FAT3: variants seen among roughly 807,000 people sequenced by gnomAD.
FAT3 encodes the protein protocadherin Fat 3.
A neutral mutation model predicts 310.2 loss-of-function variants in FAT3; 95 were observed. The ratio of observed to expected loss-of-function variants is 0.31; its 90% CI spans 0.26 to 0.36. The LOEUF (loss-of-function observed/expected upper bound fraction) is 0.36. Among genes scored for constraint, FAT3 ranks in the 10% least tolerant of loss-of-function variants. The pLI, the probability that FAT3 is intolerant of heterozygous loss-of-function variation, is 1.00. For missense variants in FAT3, 5,408 were observed against 5,715.6 expected (o/e 0.95, Z 1.74); for synonymous variants, 2,314 against 2,192.9 (o/e 1.06, Z -1.54).
At chr11:92,343,974 TGGGGTATA>T (rs1470253417) in intron 1 of FAT3, among the ~76,000 whole-genome samples, 1 of 152,146 alleles carries the variant, frequency 6.6e-6, no homozygotes, top group African/African-American at 2.4e-5. Flanking sequence ...AGTATAGGTG[TGGGGTATA>T]GGGGGAAAGA....
intron 2 of FAT3, among the ~76,000 whole-genome samples, chr11:92,431,573 T>A (rs555856864): frequency 6.6e-6 from 1 of 152,300 alleles, no homozygotes; most frequent in Non-Finnish European, 1.5e-5. Flanking sequence ...GTTTTAGACA[T>A]GAAGTCCTTG....
At chr11:92,662,578 G>A (rs1942822592) in intron 3 of FAT3, among the ~76,000 whole-genome samples, 2 of 152,122 alleles carry the variant, frequency 1.3e-5, no homozygotes, top group East Asian at 3.9e-4. Flanking sequence ...CATCTAATGA[G>A]TACATAAACA....
At chr11:92,343,990 A>G (rs1948343271) in intron 1 of FAT3, among the ~76,000 whole-genome samples, 1 of 152,198 alleles carries the variant, frequency 6.6e-6, no homozygotes, top group South Asian at 2.1e-4. Flanking sequence ...ATAGGGGGAA[A>G]GAAAGGAATT....
chr11:92,287,214 C>CT (rs937419159), intron 1 of FAT3, among the ~76,000 whole-genome samples: 32 of 151,754 alleles, frequency 2.1e-4, no homozygotes, highest in African/African-American at 7.3e-4. Context: ...CAGATCAAAG[C>CT]TTTTTTTTAT....
At chr11:92,589,654 A>G (rs1342025161) in intron 3 of FAT3, among the ~76,000 whole-genome samples, 1 of 151,914 alleles carries the variant, frequency 6.6e-6, no homozygotes, top group Non-Finnish European at 1.5e-5. Context: ...TTCTTGATTG[A>G]GTTTCGGTGG....
At chr11:92,512,887 CCGAGGCGGGCGGA>C (rs1953347303) in intron 2 of FAT3, among the ~76,000 whole-genome samples, 3,327 of 95,686 alleles carry the variant, frequency 0.035, 226 homozygotes, top group Middle Eastern at 0.06. Context: ...CTTTGGGAGG[CCGAGGCGGGCGGA>C]TCACGAGGTC....
chr11:92,513,668 A>G (rs533298898), intron 2 of FAT3, among the ~76,000 whole-genome samples: 2 of 152,338 alleles, frequency 1.3e-5, no homozygotes, highest in African/African-American at 4.8e-5. Context: ...TGCACTGAAA[A>G]TTGAGAATTT....
chr11:92,641,516 G>A (rs1028302816), intron 3 of FAT3, among the ~76,000 whole-genome samples: 1 of 152,132 alleles, frequency 6.6e-6, no homozygotes, highest in African/African-American at 2.4e-5. Flanking sequence ...AGCTTCCAGT[G>A]GCTCCAGGTA....
chr11:92,243,096 G>A (rs1464534447), intron 1 of FAT3, among the ~76,000 whole-genome samples: 1 of 151,880 alleles, frequency 6.6e-6, no homozygotes, highest in African/African-American at 2.4e-5. Flanking sequence ...ATGTAAAATT[G>A]GGTAATAGTT....
intron 3 of FAT3, among the ~76,000 whole-genome samples, chr11:92,666,353 A>ATTTTT (rs35495410): frequency 2.4e-4 from 33 of 140,268 alleles, no homozygotes; most frequent in African/African-American, 8.5e-4. Flanking sequence ...AATTTGAAGG[A>ATTTTT]TTTTTTTTTT....
chr11:92,551,404 T>G (rs1347558027), intron 3 of FAT3, among the ~76,000 whole-genome samples: 3 of 54,324 alleles, frequency 5.5e-5, no homozygotes, highest in South Asian at 2.4e-3. Context: ...GGTCCCATGT[T>G]TTTTTTGTTT....
intron 4 of FAT3, among the ~76,000 whole-genome samples, chr11:92,700,447 G>T (rs1171894253): frequency 6.6e-6 from 1 of 152,060 alleles, no homozygotes; most frequent in African/African-American, 2.4e-5. Flanking sequence ...ACCGGCTTGG[G>T]GTGGGGGCTG....
chr11:92,800,973 G>A lies in FAT3; in HGVS notation c.7960G>A (p.Asp2654Asn), dbSNP rs369179876. The change falls in exon 10 of 28, where the codon GAT becomes AAT. Residue 2654 changes from aspartate (D) to asparagine (N), a missense_variant. Around this residue, in one of 5 missense-constraint regions of FAT3, gnomAD observed 4,588 missense variants for 4,809.8 expected, o/e 0.95. Coordinates refer to ENST00000525166, the MANE Select transcript of FAT3 (RefSeq NM_001367949.2). ...SVSVADLLEI[D>N]PDNGWMVTKG... is the part of the protein sequence containing the mutation. ...TTCAGTGGCCGACCTCCTGGAAATC[G>A]ATCCTGACAATGGCTGGATGGTCAC... 7 of 1,613,128 alleles carry A rather than the reference G, an allele frequency of 4.3e-6. No homozygotes were observed. Among genetic ancestry groups the A allele is most frequent in the South Asian group, 2.2e-5 (2 of 90,854 alleles).
intron 3 of FAT3, among the ~76,000 whole-genome samples, chr11:92,650,799 A>T (rs1293769745): frequency 6.6e-6 from 1 of 152,188 alleles, no homozygotes; most frequent in African/African-American, 2.4e-5. Flanking sequence ...TTCCTCATTT[A>T]TGAAAGGGGG....
At chr11:92,337,104 G>A (rs1948106202) in intron 1 of FAT3, among the ~76,000 whole-genome samples, 1 of 152,124 alleles carries the variant, frequency 6.6e-6, no homozygotes, top group Non-Finnish European at 1.5e-5. Flanking sequence ...AAACCTTTAA[G>A]TTAGCTTAGA....
chr11:92,257,543 C>T (rs897091421), intron 1 of FAT3, among the ~76,000 whole-genome samples: 1 of 152,026 alleles, frequency 6.6e-6, no homozygotes, highest in Non-Finnish European at 1.5e-5. Context: ...AAAATATCGA[C>T]AAAATGTGAA....
intron 1 of FAT3, among the ~76,000 whole-genome samples, chr11:92,338,965 A>G (rs1307888733): frequency 6.6e-6 from 1 of 152,208 alleles, no homozygotes; most frequent in Non-Finnish European, 1.5e-5. Flanking sequence ...AGCCATGCAG[A>G]GCTGACCTTG....
At position 92,880,783 on chromosome 11, in the gene FAT3, G is replaced by A. The variant is rs771673019; in HGVS notation, c.12180G>A (p.Glu4060=). 1 of 1,613,924 alleles carries A rather than the reference G, an allele frequency of 6.2e-7. No homozygotes were observed. Among genetic ancestry groups the A allele is most frequent in the African/African-American group, 1.3e-5 (1 of 75,026 alleles). The part of the protein sequence containing the change: ...SQFTGRNCES[E]ITACFPNPCR... ...TTACGGGGAGAAACTGTGAATCTGAGATTACAGCCTGCTTCCCAAACCCCT... is the reference window on the plus strand; with the variant it reads ...TTACGGGGAGAAACTGTGAATCTGAAATTACAGCCTGCTTCCCAAACCCCT... Residue 4060 remains glutamate, a synonymous_variant, in exon 23 of 28, where the codon GAG becomes GAA. Transcript: ENST00000525166.
intron 22 of FAT3, among the ~76,000 whole-genome samples, chr11:92,878,628 A>G (rs573309454): frequency 1.0e-4 from 11 of 107,544 alleles, no homozygotes; most frequent in African/African-American, 3.7e-4. Flanking sequence ...GCAGGATGTT[A>G]TGTGTTAAAA....
Sources: allele counts gnomAD v4.1 joint callset (sites outside exome capture counted in the v4.1 genomes callset), GRCh38; gene constraint gnomAD v4.1.1; regional missense constraint gnomAD v4.1.1; transcripts MANE v1.5; gene names NCBI Gene and HGNC (gene_info 2026-07-23, HGNC 2026-07-21).